The following TBC1D5 variants were observed in gnomAD, a reference collection of about 807,000 sequenced individuals.
The protein encoded by TBC1D5 is TBC1 domain family, member 5.
TBC1D5 carries 75 observed loss-of-function variants against 100.3 expected under a neutral mutation model. The ratio of observed to expected loss-of-function variants is 0.75; its 90% confidence interval spans 0.62 to 0.91. The LOEUF is 0.91. TBC1D5 is among the 40% of genes least tolerant of loss of function. The pLI, the probability that TBC1D5 is intolerant of heterozygous loss-of-function variation, is 0.00. For synonymous variants in TBC1D5, 323 were observed against 325.6 expected, an observed-to-expected ratio of 0.99 and a Z score of 0.09; for missense variants, 910 against 942.4, an observed-to-expected ratio of 0.97 and a Z score of 0.45.
At position 17,512,346 on chromosome 3, in the gene TBC1D5, G is replaced by A. The variant is rs141574876; in HGVS notation, c.-35-3741C>T. On this transcript the variant is annotated intron_variant, in intron 2 of 21. Transcript: ENST00000253692. Reference sequence around the variant, plus strand: ...AAATTTTTAAACAATCACTGTAAAAGTCCAGCATAAACATAACACTTACAA... The same window carrying A: ...AAATTTTTAAACAATCACTGTAAAAATCCAGCATAAACATAACACTTACAA... Among the ~76,000 whole-genome samples, 573 of 152,070 alleles carry A rather than the reference G, an allele frequency of 3.8e-3. 2 individuals carry two copies. The highest frequency in any genetic ancestry group is 0.013 in the African/African-American group (531 of 41,524).
At chr3:17,204,294 T>C (rs890897617) in intron 18 of TBC1D5, among the ~76,000 whole-genome samples, 5 of 152,230 alleles carry the variant, frequency 3.3e-5, no homozygotes, top group African/African-American at 1.2e-4. Context: ...AGCCCTCTTT[T>C]CCTTCCCTGT....
chr3:17,376,819 CTTCT>C (rs1426121762), intron 9 of TBC1D5, among the ~76,000 whole-genome samples: 1 of 152,118 alleles, frequency 6.6e-6, no homozygotes, highest in Non-Finnish European at 1.5e-5. Flanking sequence ...AGCAGGTATT[CTTCT>C]TTAAAATATG....
chr3:17,712,648 C>T (rs555979210), intron 1 of TBC1D5, among the ~76,000 whole-genome samples: 2 of 152,282 alleles, frequency 1.3e-5, no homozygotes, highest in Middle Eastern at 3.4e-3. Context: ...ACTTACATAG[C>T]TGCAAAGGCC....
At chr3:17,717,112 A>G (rs545344689) in intron 1 of TBC1D5, among the ~76,000 whole-genome samples, 463 of 152,238 alleles carry the variant, frequency 3.0e-3, no homozygotes, top group African/African-American at 0.011. Flanking sequence ...TTTCCAAGCC[A>G]CCTAGCCAGT....
At chr3:17,281,822 G>C (rs528918052) in intron 15 of TBC1D5, among the ~76,000 whole-genome samples, 1 of 152,082 alleles carries the variant, frequency 6.6e-6, no homozygotes, top group Non-Finnish European at 1.5e-5. Flanking sequence ...TATTTACTGA[G>C]TTAATATACT....
intron 18 of TBC1D5, among the ~76,000 whole-genome samples, chr3:17,196,174 C>T (rs1044383940): frequency 6.6e-6 from 1 of 152,186 alleles, no homozygotes; most frequent in African/African-American, 2.4e-5. Flanking sequence ...ACATTCAAAA[C>T]GGGAAACATT....
intron 17 of TBC1D5, among the ~76,000 whole-genome samples, chr3:17,226,698 T>C (rs2074940132): frequency 6.6e-6 from 1 of 152,114 alleles, no homozygotes; most frequent in Non-Finnish European, 1.5e-5. Flanking sequence ...TCGGTTTAGC[T>C]CTCTCCCTGC....
intron 1 of TBC1D5, among the ~76,000 whole-genome samples, chr3:17,708,897 G>T (rs1026663350): frequency 5.9e-5 from 9 of 152,034 alleles, no homozygotes; most frequent in African/African-American, 1.9e-4. Context: ...TTTCCAAAGG[G>T]AGACCGTCAC....
At chr3:17,233,300 C>T (rs1190092077) in intron 17 of TBC1D5, among the ~76,000 whole-genome samples, 1 of 152,142 alleles carries the variant, frequency 6.6e-6, no homozygotes, top group Non-Finnish European at 1.5e-5. Flanking sequence ...AATCGTAGCA[C>T]ATAAGATGTC....
intron 17 of TBC1D5, among the ~76,000 whole-genome samples, chr3:17,220,404 A>G (rs1219987525): frequency 1.3e-5 from 2 of 152,116 alleles, no homozygotes; most frequent in Non-Finnish European, 2.9e-5. Context: ...ATAACTAGAG[A>G]GGCTGAGTAT....
chr3:17,519,762 T>G (rs550297215), intron 2 of TBC1D5, among the ~76,000 whole-genome samples: 236 of 152,180 alleles, frequency 1.6e-3, no homozygotes, highest in Non-Finnish European at 1.8e-3. Context: ...TGAAATGATT[T>G]AAGAGAACCT....
intron 1 of TBC1D5, chr3:17,672,542 T>C (rs1014958749): frequency 1.3e-5 from 2 of 152,206 alleles, no homozygotes; most frequent in African/African-American, 4.8e-5. Context: ...AGAAAACACC[T>C]ACTTTTTAAA....
intron 1 of TBC1D5, among the ~76,000 whole-genome samples, chr3:17,661,799 G>C (rs1176640604): frequency 6.6e-6 from 1 of 152,030 alleles, no homozygotes; most frequent in African/African-American, 2.4e-5. Context: ...CACCTGGCCA[G>C]CATCTTCTTA....
intron 21 of TBC1D5, among the ~76,000 whole-genome samples, chr3:17,162,974 T>C (rs555620618): frequency 1.3e-5 from 2 of 152,198 alleles, no homozygotes; most frequent in African/African-American, 4.8e-5. Context: ...TTATCCTAGG[T>C]TGAAAATAAA....
chr3:17,204,689 T>A (rs1575942640), intron 18 of TBC1D5, among the ~76,000 whole-genome samples: 1 of 152,344 alleles, frequency 6.6e-6, no homozygotes, highest in East Asian at 1.9e-4. Flanking sequence ...TGCAGCACTC[T>A]ATTTCCTGTG....
chr3:17,536,512 T>G (rs1332085737), intron 2 of TBC1D5, among the ~76,000 whole-genome samples: 1 of 152,132 alleles, frequency 6.6e-6, no homozygotes, highest in African/African-American at 2.4e-5. Context: ...TAAAACCAAA[T>G]CTCTTGTTAA....
At chr3:17,663,343 C>T (rs574531554) in intron 1 of TBC1D5, among the ~76,000 whole-genome samples, 1 of 149,698 alleles carries the variant, frequency 6.7e-6, no homozygotes, top group Non-Finnish European at 1.5e-5. Context: ...AAAAAAAAAT[C>T]AAACACAGAA....
At chr3:17,711,249 A>C (rs1314751561) in intron 1 of TBC1D5, among the ~76,000 whole-genome samples, 1 of 152,152 alleles carries the variant, frequency 6.6e-6, no homozygotes, top group Admixed American at 6.5e-5. Flanking sequence ...TTTTGTTTTA[A>C]AAAGGTATTT....
chr3:17,180,996 T>C (rs1559362846), intron 19 of TBC1D5, among the ~76,000 whole-genome samples: 1 of 150,888 alleles, frequency 6.6e-6, no homozygotes, highest in Non-Finnish European at 1.5e-5. Flanking sequence ...GCGAAAATAA[T>C]TAACATTAGG....
Sources: gnomAD v4.1 joint callset for allele counts (sites outside exome capture counted in the v4.1 genomes callset) on GRCh38, gnomAD v4.1.1 for gene constraint, MANE v1.5 for transcripts, NCBI Gene and HGNC (gene_info 2026-07-23, HGNC 2026-07-21) for gene names.